The following LINGO2 variants were observed in gnomAD, a reference collection of about 807,000 sequenced individuals.
LINGO2 encodes leucine-rich repeat and immunoglobulin-like domain-containing nogo receptor-interacting protein 2.
In LINGO2, 14 loss-of-function variants were observed where a neutral mutation model predicts 30.6. That is an observed-to-expected ratio of 0.46 (90% confidence interval 0.30 to 0.72). LINGO2 has a LOEUF of 0.72. Ranked by LOEUF, LINGO2 falls within the 30% of genes least tolerant of loss-of-function variation. LINGO2 has a pLI of 0.07. For missense variants in LINGO2, 729 were observed against 751.7 expected (o/e 0.97, Z 0.35); for synonymous variants, 317 against 288.5 (o/e 1.10, Z -1.00).
chr9:28,300,412 C>G (rs187561851), intron 3 of LINGO2, among the ~76,000 whole-genome samples: 66 of 152,102 alleles, frequency 4.3e-4, no homozygotes, highest in Non-Finnish European at 7.9e-4. Flanking sequence ...TACTCAAGCA[C>G]AATTCTCTTT....
At chr9:28,705,517 C>A in the LINGO2 span, among the ~76,000 whole-genome samples, 6 of 152,034 alleles carry the variant, frequency 3.9e-5, no homozygotes, top group African/African-American at 9.7e-5. Flanking sequence ...ATATATAAGG[C>A]TCTGATAAAA....
chr9:28,636,738 T>C (rs1827297048), intron 1 of LINGO2, among the ~76,000 whole-genome samples: 1 of 152,172 alleles, frequency 6.6e-6, no homozygotes, highest in African/African-American at 2.4e-5. Context: ...GTCAGATGAG[T>C]AGATTGCGAA....
At chr9:28,044,196 C>T (rs1041448565) in intron 4 of LINGO2, among the ~76,000 whole-genome samples, 1 of 152,084 alleles carries the variant, frequency 6.6e-6, no homozygotes. Context: ...ATTTTTGAAC[C>T]TGAATGTATC....
chr9:28,060,124 A>G (rs371593725), intron 4 of LINGO2, among the ~76,000 whole-genome samples: 10 of 152,320 alleles, frequency 6.6e-5, no homozygotes, highest in East Asian at 5.8e-4. Flanking sequence ...GCAGAGCACT[A>G]GCCAAAATGA....
At chr9:27,961,933 C>T (rs1819868319) in intron 5 of LINGO2, among the ~76,000 whole-genome samples, 4 of 152,240 alleles carry the variant, frequency 2.6e-5, no homozygotes, top group East Asian at 1.9e-4. Flanking sequence ...GTGTCCTTCA[C>T]TGAGATGGAG....
intron 2 of LINGO2, among the ~76,000 whole-genome samples, chr9:28,377,173 A>G (rs974663740): frequency 6.6e-6 from 1 of 152,114 alleles, no homozygotes; most frequent in South Asian, 2.1e-4. Flanking sequence ...TAAAAATTAT[A>G]TAAGTATGCC....
the LINGO2 span, among the ~76,000 whole-genome samples, chr9:29,053,855 T>G: frequency 3.3e-5 from 5 of 152,148 alleles, no homozygotes; most frequent in Admixed American, 6.5e-5. Flanking sequence ...ATTAAATGAC[T>G]ATAATTTACA....
chr9:28,793,821 T>A, the LINGO2 span, among the ~76,000 whole-genome samples: 1 of 152,204 alleles, frequency 6.6e-6, no homozygotes, highest in Admixed American at 6.5e-5. Context: ...GATCTGGTAA[T>A]CCAATTCTGC....
chr9:28,965,965 G>A, the LINGO2 span, among the ~76,000 whole-genome samples: 1 of 152,136 alleles, frequency 6.6e-6, no homozygotes, highest in Admixed American at 6.6e-5. Flanking sequence ...AGCCCCAAAA[G>A]CCAATTTAAA....
intron 5 of LINGO2, among the ~76,000 whole-genome samples, chr9:27,987,812 T>A (rs568672770): frequency 6.6e-6 from 1 of 151,828 alleles, no homozygotes. Flanking sequence ...AATATATATA[T>A]ACACACACAC....
At chr9:28,494,262 C>T (rs926784243) in intron 1 of LINGO2, among the ~76,000 whole-genome samples, 1 of 151,964 alleles carries the variant, frequency 6.6e-6, no homozygotes, top group Non-Finnish European at 1.5e-5. Context: ...TACATGTACA[C>T]AACTTGCAGG....
At chr9:28,437,925 T>A (rs1824019213) in intron 2 of LINGO2, among the ~76,000 whole-genome samples, 1 of 152,132 alleles carries the variant, frequency 6.6e-6, no homozygotes, top group Non-Finnish European at 1.5e-5. Flanking sequence ...AACTACCTCC[T>A]CCTCTTCCAA....
chr9:28,487,422 C>A (rs918971100), intron 1 of LINGO2, among the ~76,000 whole-genome samples: 1 of 152,036 alleles, frequency 6.6e-6, no homozygotes, highest in Admixed American at 6.6e-5. Flanking sequence ...TTAGAAACAA[C>A]TAAATAGAGT....
the LINGO2 span, among the ~76,000 whole-genome samples, chr9:28,804,739 G>C: frequency 9.2e-5 from 14 of 151,920 alleles, no homozygotes; most frequent in Admixed American, 9.2e-4. Context: ...TCATTAAGTG[G>C]GTCAGTTTCT....
chr9:28,800,306 A>G, the LINGO2 span, among the ~76,000 whole-genome samples: 1 of 152,036 alleles, frequency 6.6e-6, no homozygotes. Context: ...AAATGTTTCT[A>G]TTTTTTGGTA....
the LINGO2 span, among the ~76,000 whole-genome samples, chr9:28,848,478 G>A: frequency 7.6e-6 from 1 of 132,190 alleles, no homozygotes; most frequent in African/African-American, 2.7e-5. Context: ...AGTTTCAGAC[G>A]CTATAATTTT....
the LINGO2 span, among the ~76,000 whole-genome samples, chr9:28,872,646 T>C: frequency 6.6e-6 from 1 of 152,222 alleles, no homozygotes; most frequent in East Asian, 1.9e-4. Flanking sequence ...AACAACACAT[T>C]TTCTGGCAGG....
the LINGO2 span, among the ~76,000 whole-genome samples, chr9:28,979,484 T>C: frequency 6.9e-6 from 1 of 144,216 alleles, no homozygotes; most frequent in African/African-American, 2.5e-5. Context: ...AATATATGTT[T>C]TGTATACATA....
intron 1 of LINGO2, among the ~76,000 whole-genome samples, chr9:28,660,349 G>A (rs1828541348): frequency 6.6e-6 from 1 of 151,774 alleles, no homozygotes; most frequent in African/African-American, 2.4e-5. Flanking sequence ...AAAGATAAAA[G>A]GGATTAGATA....
Sources: allele counts gnomAD v4.1 joint callset (sites outside exome capture counted in the v4.1 genomes callset), GRCh38; gene constraint gnomAD v4.1.1; transcripts MANE v1.5; gene names NCBI Gene and HGNC (gene_info 2026-07-23, HGNC 2026-07-21).